Variants in SLC39A11 observed in about 807,000 individuals in gnomAD.
SLC39A11 encodes the protein solute carrier family 39 member 11, also known as zinc transporter ZIP11.
SLC39A11 carries 33 observed loss-of-function variants against 36.1 expected under a neutral mutation model. That is an observed-to-expected ratio of 0.91 (90% confidence interval 0.69 to 1.22). The LOEUF (loss-of-function observed/expected upper bound fraction) is 1.22, where lower values mean the gene tolerates loss of function less well. Ranked by LOEUF, SLC39A11 falls within the 50% of genes most tolerant of loss-of-function variation. The pLI, the probability that SLC39A11 is intolerant of heterozygous loss-of-function variation, is 0.00. For missense variants in SLC39A11, 432 were observed against 430.3 expected, an observed-to-expected ratio of 1.00 and a Z score of -0.03; for synonymous variants, 166 against 170.3, an observed-to-expected ratio of 0.97 and a Z score of 0.20.
chr17:73,050,199 G>A (rs779925157), intron 3 of SLC39A11, among the ~76,000 whole-genome samples: 1 of 151,938 alleles, frequency 6.6e-6, no homozygotes, highest in Non-Finnish European at 1.5e-5. Context: ...GGGTAGTCAG[G>A]GAAGGCTTCT....
At chr17:72,905,896 G>C (rs982559586) in intron 5 of SLC39A11, among the ~76,000 whole-genome samples, 1 of 152,136 alleles carries the variant, frequency 6.6e-6, no homozygotes, top group Non-Finnish European at 1.5e-5. Context: ...TGGGACTACA[G>C]GCGCCCGCCA....
intron 3 of SLC39A11, among the ~76,000 whole-genome samples, chr17:73,043,850 T>C (rs2059185968): frequency 6.6e-6 from 1 of 152,178 alleles, no homozygotes; most frequent in Non-Finnish European, 1.5e-5. Context: ...AGCCTTAAAT[T>C]TGGCATGTCA....
intron 6 of SLC39A11, among the ~76,000 whole-genome samples, chr17:72,827,524 A>G (rs891324345): frequency 1.3e-5 from 2 of 152,238 alleles, no homozygotes; most frequent in African/African-American, 4.8e-5. Context: ...AGCTGTTATT[A>G]AAAGAAAAAA....
chr17:72,861,743 TATATATATATA>T (rs2080040263), intron 5 of SLC39A11, among the ~76,000 whole-genome samples: 9 of 2,342 alleles, frequency 3.8e-3, no homozygotes, highest in African/African-American at 0.016. Context: ...TTGGAGATTA[TATATATATATA>T]TATATATATA....
intron 3 of SLC39A11, among the ~76,000 whole-genome samples, chr17:73,047,499 CAGAG>C (rs771549924): frequency 5.3e-5 from 8 of 151,994 alleles, no homozygotes; most frequent in Non-Finnish European, 1.0e-4. Context: ...CATTTACATA[CAGAG>C]AAACTTTCTT....
chr17:73,009,233 G>A (rs1223087030), intron 4 of SLC39A11, among the ~76,000 whole-genome samples: 2 of 151,734 alleles, frequency 1.3e-5, no homozygotes, highest in Non-Finnish European at 2.9e-5. Flanking sequence ...GCCAGGTGTG[G>A]TGGCGGGCAT....
chr17:72,695,150 G>A (rs1484662163), intron 7 of SLC39A11, among the ~76,000 whole-genome samples: 2 of 152,174 alleles, frequency 1.3e-5, no homozygotes, highest in East Asian at 1.9e-4. Flanking sequence ...GAGTTACTCT[G>A]ACCTCATCTC....
intron 6 of SLC39A11, among the ~76,000 whole-genome samples, chr17:72,808,028 T>C (rs555237188): frequency 6.6e-6 from 1 of 151,798 alleles, no homozygotes; most frequent in Admixed American, 6.6e-5. Flanking sequence ...CTCAGAAAAC[T>C]AGAGAATTGG....
At chr17:73,041,293 A>C (rs888661196) in intron 3 of SLC39A11, among the ~76,000 whole-genome samples, 1 of 152,224 alleles carries the variant, frequency 6.6e-6, no homozygotes, top group East Asian at 1.9e-4. Flanking sequence ...TGGAAGCTTG[A>C]AGAGAGAAGC....
At chr17:72,764,610 C>A (rs1375845606) in intron 6 of SLC39A11, among the ~76,000 whole-genome samples, 1 of 152,098 alleles carries the variant, frequency 6.6e-6, no homozygotes, top group Non-Finnish European at 1.5e-5. Context: ...AGTGAGACAG[C>A]CCACCGATGG....
intron 5 of SLC39A11, among the ~76,000 whole-genome samples, chr17:72,909,491 A>G (rs890764110): frequency 6.6e-6 from 1 of 152,196 alleles, no homozygotes; most frequent in African/African-American, 2.4e-5. Flanking sequence ...AATTACGAAG[A>G]AAGAACTGGT....
chr17:72,729,405 T>TTTTATATATA (rs1351785432), intron 7 of SLC39A11, among the ~76,000 whole-genome samples: 4 of 29,244 alleles, frequency 1.4e-4, no homozygotes, highest in African/African-American at 1.9e-4. Flanking sequence ...ACCTGGCTAT[T>TTTTATATATA]TATATATATA....
chr17:72,784,992 T>C (rs2076457829), intron 6 of SLC39A11, among the ~76,000 whole-genome samples: 1 of 151,936 alleles, frequency 6.6e-6, no homozygotes, highest in African/African-American at 2.4e-5. Context: ...CCCAAGTAGC[T>C]GGGATTACAG....
intron 7 of SLC39A11, among the ~76,000 whole-genome samples, chr17:72,705,614 C>T (rs2072858089): frequency 6.6e-6 from 1 of 152,168 alleles, no homozygotes; most frequent in South Asian, 2.1e-4. Context: ...AGAGGGCTAC[C>T]TAACTCGATG....
chr17:73,069,260 T>C (rs10512594), intron 3 of SLC39A11, among the ~76,000 whole-genome samples: 128,748 of 152,196 alleles, frequency 0.85, 54,606 homozygotes, highest in East Asian at 0.94. Context: ...CTTTTGTTCA[T>C]TACGTTCTTA....
intron 4 of SLC39A11, among the ~76,000 whole-genome samples, chr17:73,006,419 G>A (rs2090182710): frequency 6.6e-6 from 1 of 152,106 alleles, no homozygotes. Flanking sequence ...CTAAGGATGT[G>A]TTTTACATTT....
At chr17:72,715,198 A>G (rs1598424736) in intron 7 of SLC39A11, among the ~76,000 whole-genome samples, 1 of 152,212 alleles carries the variant, frequency 6.6e-6, no homozygotes, top group Non-Finnish European at 1.5e-5. Context: ...CCCTCTGCCC[A>G]AGGGCACGAT....
intron 5 of SLC39A11, among the ~76,000 whole-genome samples, chr17:72,888,138 C>T (rs1042432078): frequency 6.6e-6 from 1 of 152,200 alleles, no homozygotes; most frequent in African/African-American, 2.4e-5. Context: ...AATAACTATT[C>T]CACAGATATT....
At chr17:72,988,237 G>A (rs1425970294) in intron 4 of SLC39A11, among the ~76,000 whole-genome samples, 1 of 152,224 alleles carries the variant, frequency 6.6e-6, no homozygotes, top group African/African-American at 2.4e-5. Flanking sequence ...AAGATCACCT[G>A]AGGCCAGGAG....
Sources: gnomAD v4.1 joint callset for allele counts (sites outside exome capture counted in the v4.1 genomes callset) on GRCh38, gnomAD v4.1.1 for gene constraint, MANE v1.5 for transcripts, NCBI Gene and HGNC (gene_info 2026-07-23, HGNC 2026-07-21) for gene names.